Variants in MS4A5 observed in about 807,000 individuals in gnomAD.
MS4A5 encodes the protein membrane spanning 4-domains A5.
Under a neutral mutation model 18.2 loss-of-function variants are expected in MS4A5, and 15 were observed. The ratio of observed to expected loss-of-function variants is 0.83; its 90% CI spans 0.55 to 1.27. MS4A5 has a LOEUF of 1.27. Ranked by LOEUF, MS4A5 falls within the 50% of genes most tolerant of loss-of-function variation. The pLI is 0.00. For missense variants in MS4A5, 232 were observed against 225.7 expected, an observed-to-expected ratio of 1.03 and a Z score of -0.18; for synonymous variants, 89 against 78.7, an observed-to-expected ratio of 1.13 and a Z score of -0.69.
intron 4 of MS4A5, among the ~76,000 whole-genome samples, chr11:60,437,602 A>C (rs2086087859): frequency 6.6e-6 from 1 of 151,734 alleles, no homozygotes; most frequent in Non-Finnish European, 1.5e-5. Context: ...TGGAAAACAA[A>C]AAAAGGCAGG....
At chr11:60,437,739 T>C (rs1004832757) in intron 4 of MS4A5, among the ~76,000 whole-genome samples, 10 of 151,686 alleles carry the variant, frequency 6.6e-5, no homozygotes, top group South Asian at 6.3e-4. Flanking sequence ...TGAATATATA[T>C]GCACCCAATA....
chr11:60,443,271 G>A lies in MS4A5; in HGVS notation c.493-4378G>A, dbSNP rs532474097. Among the ~76,000 whole-genome samples the A allele has an allele frequency of 2.6e-5, 4 of 151,846 alleles. No individual in the cohort carries two copies. The South Asian group carries it at 8.3e-4, about 32-fold the overall frequency. ...CCTACAAGCCTCAACAAAATTCAAA[G>A]AATTGAAATCATATACAGTATATTG... is the stretch of plus-strand genomic sequence containing the variant. On this transcript the variant is annotated intron_variant, in intron 4 of 4. Transcript: ENST00000300190.
chr11:60,440,650 T>C (rs916330512), intron 4 of MS4A5, among the ~76,000 whole-genome samples: 2 of 149,814 alleles, frequency 1.3e-5, no homozygotes, highest in African/African-American at 4.9e-5. Context: ...AGAAGACATT[T>C]ATGCAGCCAA....
At chr11:60,430,666 T>A in intron 1 of MS4A5, 130 bp from the exon 2 acceptor site, 1 of 1,010,380 alleles carries the variant, frequency 9.9e-7, no homozygotes, top group Non-Finnish European at 1.5e-6. Context: ...ATAAAGGGAC[T>A]TCTATTATTC....
chr11:60,429,867 G>A lies in MS4A5; in HGVS notation c.153+40G>A, dbSNP rs147966027. 295 of 1,580,596 alleles carry A rather than the reference G, an allele frequency of 1.9e-4. 1 individual carries two copies. The African/African-American group carries it at 3.6e-3, about 19-fold the overall frequency. On this transcript the variant is annotated intron_variant, in intron 1 of 4. Coordinates refer to ENST00000300190, the MANE Select transcript of MS4A5 (RefSeq NM_023945.3). ...CCCCTATGTATATTTTACTGAGGCA[G>A]GGGAAAGGCTAGGGAAATTATCTGT...
intron 4 of MS4A5, among the ~76,000 whole-genome samples, chr11:60,436,533 A>C (rs1283429822): frequency 7.4e-6 from 1 of 135,304 alleles, no homozygotes. Flanking sequence ...AAAAAAATTT[A>C]GAAGAATGTA....
At chr11:60,441,680 A>G (rs1382558210) in intron 4 of MS4A5, among the ~76,000 whole-genome samples, 1 of 151,450 alleles carries the variant, frequency 6.6e-6, no homozygotes, top group Non-Finnish European at 1.5e-5. Flanking sequence ...AATATAAAAT[A>G]AAAGAAAGTG....
chr11:60,433,706 C>T (rs2086063640), intron 3 of MS4A5, 59 bp from the exon 4 acceptor site: 2 of 1,535,920 alleles, frequency 1.3e-6, no homozygotes, highest in South Asian at 2.3e-5. Context: ...GCACTCATTG[C>T]TTTGTTTGTA....
chr11:60,433,267 G>A (rs1482025061), intron 3 of MS4A5, among the ~76,000 whole-genome samples: 3 of 152,156 alleles, frequency 2.0e-5, no homozygotes, highest in Non-Finnish European at 4.4e-5. Flanking sequence ...TAAAGTTATA[G>A]ATAAATTATA....
At chr11:60,446,757 G>T (rs1163702848) in intron 4 of MS4A5, among the ~76,000 whole-genome samples, 1 of 150,324 alleles carries the variant, frequency 6.7e-6, no homozygotes, top group Non-Finnish European at 1.5e-5. Context: ...AGACAAAAAA[G>T]AAACCAAAAA....
At chr11:60,431,029 A>G in intron 2 of MS4A5, 105 bp downstream of exon 2, 1 of 1,349,814 alleles carries the variant, frequency 7.4e-7, no homozygotes. Flanking sequence ...ATGCTTTCAA[A>G]AGTGCAAAAA....
intron 4 of MS4A5, among the ~76,000 whole-genome samples, chr11:60,438,478 T>C (rs962191267): frequency 6.6e-6 from 1 of 151,690 alleles, no homozygotes; most frequent in Non-Finnish European, 1.5e-5. Context: ...AATTAATGAA[T>C]CCAGGAGCTG....
chr11:60,432,361 C>CA (rs1169220090), intron 2 of MS4A5, 50 bp from the exon 3 acceptor site: 5 of 1,264,620 alleles, frequency 4.0e-6, no homozygotes, highest in Middle Eastern at 1.9e-4. Flanking sequence ...TGTAAGAACT[C>CA]AACATCAGCT....
chr11:60,447,728 CAG>C lies in MS4A5; in HGVS notation c.575_576del (p.Glu192GlyfsTer3). 13 of 1,599,518 alleles carry C rather than the reference CAG, an allele frequency of 8.1e-6. No individual in the cohort carries two copies. Among genetic ancestry groups the C allele is most frequent in the Non-Finnish European group, 1.1e-5 (13 of 1,174,734 alleles). On this transcript the variant is annotated frameshift_variant, in exon 5 of 5. Transcript: ENST00000300190. LOFTEE classifies it low-confidence loss of function (END_TRUNC). The stretch of plus-strand genomic sequence containing the variant: ...CCTTTCTCAATTTTGGGGTGCCACT[CAG>C]AGGATTGTGATTGTGAACAATGTTG...
At chr11:60,435,929 G>A (rs1364458280) in intron 4 of MS4A5, among the ~76,000 whole-genome samples, 1 of 152,356 alleles carries the variant, frequency 6.6e-6, no homozygotes, top group South Asian at 2.1e-4. Context: ...TGGATCCCAC[G>A]ACAGCTCAAG....
At chr11:60,438,287 A>C (rs2086091862) in intron 4 of MS4A5, among the ~76,000 whole-genome samples, 1 of 152,246 alleles carries the variant, frequency 6.6e-6, no homozygotes. Context: ...TGTAGAGGGA[A>C]ATTTAAAGCA....
intron 2 of MS4A5, among the ~76,000 whole-genome samples, chr11:60,431,851 A>C (rs895715583): frequency 1.3e-5 from 2 of 152,188 alleles, no homozygotes; most frequent in African/African-American, 4.8e-5. Flanking sequence ...GGATGGAGAG[A>C]TGAGGCTGGA....
At chr11:60,434,742 A>G (rs2086069435) in intron 4 of MS4A5, among the ~76,000 whole-genome samples, 1 of 152,218 alleles carries the variant, frequency 6.6e-6, no homozygotes, top group Non-Finnish European at 1.5e-5. Context: ...CCTGAAATTT[A>G]CAAGTGGAAC....
intron 4 of MS4A5, among the ~76,000 whole-genome samples, chr11:60,441,245 G>A (rs1490613255): frequency 7.2e-6 from 1 of 138,386 alleles, no homozygotes; most frequent in African/African-American, 2.6e-5. Context: ...CATGGACACA[G>A]GAAGGGGAAT....
Sources: allele counts gnomAD v4.1 joint callset (sites outside exome capture counted in the v4.1 genomes callset), GRCh38; gene constraint gnomAD v4.1.1; transcripts MANE v1.5; gene names NCBI Gene and HGNC (gene_info 2026-07-23, HGNC 2026-07-21).